The following DCAF17 variants were observed in gnomAD, a reference collection of about 807,000 sequenced individuals.
DCAF17 encodes the protein DDB1 and CUL4 associated factor 17.
In DCAF17, 48 loss-of-function variants were observed where a neutral mutation model predicts 66.0. That is an observed-to-expected ratio of 0.73 (90% CI 0.58 to 0.92). The LOEUF (loss-of-function observed/expected upper bound fraction) is 0.92, where lower values mean the gene tolerates loss of function less well. DCAF17 is among the 40% of genes least tolerant of loss of function. DCAF17 has a pLI of 0.00. For synonymous variants in DCAF17, 206 were observed against 214.6 expected, an observed-to-expected ratio of 0.96 and a Z score of 0.35; for missense variants, 562 against 622.8, an observed-to-expected ratio of 0.90 and a Z score of 1.04.
At chr2:171,448,636 C>T (rs1031974950) in intron 3 of DCAF17, 45 bp from the exon 4 acceptor site, 2 of 1,497,210 alleles carry the variant, frequency 1.3e-6, no homozygotes, top group Non-Finnish European at 1.8e-6. Context: ...GCAAATTGTT[C>T]ATGGCCAAGC....
chr2:171,483,288 G>A lies in DCAF17; in HGVS notation c.*2174G>A, dbSNP rs1412737860. On this transcript the variant is annotated 3_prime_UTR_variant, in exon 14 of 14. Transcript: ENST00000375255. ...TTTTAATTCGAGACTCTAGCTACAT[G>A]CCCACCTACTTAACAGGTACTAGTG... 1 of 454,000 alleles carries A rather than the reference G, an allele frequency of 2.2e-6. No individual in the cohort carries two copies. Among genetic ancestry groups the A allele is most frequent in the African/African-American group, 2.0e-5 (1 of 50,074 alleles). 28.1% of individuals were successfully genotyped at this position (454,000 alleles called of 1,614,324 possible).
At chr2:171,473,530 G>A (rs1321677198) in intron 9 of DCAF17, among the ~76,000 whole-genome samples, 2 of 152,034 alleles carry the variant, frequency 1.3e-5, no homozygotes, top group African/African-American at 2.4e-5. Context: ...TCCTTTGAGT[G>A]TTATTAAGAT....
At chr2:171,443,183 T>C (rs1194386351) in intron 2 of DCAF17, 3 of 173,262 alleles carry the variant, frequency 1.7e-5, no homozygotes, top group Non-Finnish European at 3.7e-5. Flanking sequence ...TCAACAGAGA[T>C]ATTCTTAGTA....
At chr2:171,468,858 G>C in intron 8 of DCAF17, 30 bp from the exon 9 acceptor site, 1 of 1,614,018 alleles carries the variant, frequency 6.2e-7, no homozygotes, top group Non-Finnish European at 8.5e-7. Context: ...GAACAGTGCA[G>C]CTAATGAATT....
intron 9 of DCAF17, among the ~76,000 whole-genome samples, chr2:171,473,202 G>A (rs1031496845): frequency 3.9e-4 from 59 of 152,144 alleles, no homozygotes; most frequent in South Asian, 4.1e-4. Flanking sequence ...GTTGGGGATA[G>A]GGAAGAGAGG....
rs1490623623 is a variant in DCAF17, at chr2:171,458,467, T to TA, written c.832dup (p.Ile278AsnfsTer10). 1.2e-5 allele frequency: 19 copies of TA among 1,612,526 alleles called. No homozygotes were observed. Among genetic ancestry groups the TA allele is most frequent in the Non-Finnish European group, 1.6e-5 (19 of 1,178,588 alleles). On this transcript the variant is annotated frameshift_variant, in exon 8 of 14. Transcript: ENST00000375255. LOFTEE classifies it high-confidence loss of function. ...CTCCTTTTGGCATTCCTTGTAATAT[T>TA]AAAATCACAGGTATGGCTACTCTAT...
intron 13 of DCAF17, among the ~76,000 whole-genome samples, 167 bp from the exon 14 acceptor site, chr2:171,480,807 A>T (rs1696708630): frequency 6.6e-6 from 1 of 152,170 alleles, no homozygotes; most frequent in Non-Finnish European, 1.5e-5. Context: ...CTTTTTTGTT[A>T]ATAATCTGCA....
intron 9 of DCAF17, among the ~76,000 whole-genome samples, chr2:171,471,899 CAGCTACT>C (rs763367236): frequency 3.9e-5 from 6 of 151,950 alleles, no homozygotes; most frequent in Non-Finnish European, 8.8e-5. Context: ...CCTGTGGTCC[CAGCTACT>C]TGGGAGGCTG....
chr2:171,482,714 C>T lies in DCAF17; in HGVS notation c.*1600C>T, dbSNP rs1696795160. ...TTGAGTTTCTCCTTCTCCTTTAAGT[C>T]ATCACCTTCCTTTTATGAAATGATA... On this transcript the variant is annotated 3_prime_UTR_variant, in exon 14 of 14. Transcript: ENST00000375255. 1 of 452,468 alleles carries T rather than the reference C, an allele frequency of 2.2e-6. No homozygotes were observed. The highest frequency in any genetic ancestry group is 4.4e-6 in the Non-Finnish European group (1 of 226,386). The allele number at this position is 452,468 out of a possible 1,614,324, so 28.0% of individuals were successfully genotyped here.
intron 9 of DCAF17, among the ~76,000 whole-genome samples, chr2:171,471,540 A>G (rs1460610859): frequency 6.6e-6 from 1 of 152,242 alleles, no homozygotes; most frequent in Non-Finnish European, 1.5e-5. Flanking sequence ...ACCATCATGG[A>G]CACATTAATT....
intron 12 of DCAF17, among the ~76,000 whole-genome samples, 164 bp downstream of exon 12, chr2:171,478,234 C>A (rs929711642): frequency 3.9e-5 from 6 of 152,174 alleles, no homozygotes; most frequent in Admixed American, 3.3e-4. Flanking sequence ...GCAAACCCAT[C>A]ATCCTCTCTT....
chr2:171,481,017 A>C lies in DCAF17; in HGVS notation c.1466A>C (p.His489Pro). 3 of 1,613,838 alleles carry C rather than the reference A, an allele frequency of 1.9e-6. No individual in the cohort carries two copies. The highest frequency in any genetic ancestry group is 2.5e-6 in the Non-Finnish European group (3 of 1,179,736). The change falls in exon 14 of 14, where the codon CAC becomes CCC. Residue 489 changes from histidine to proline, a missense_variant. His to Pro is a moderately conservative substitution (Grantham distance 77). Around this residue, in one of 3 missense-constraint regions of DCAF17, gnomAD observed 201 missense variants for 231.1 expected, o/e 0.87. Coordinates refer to ENST00000375255, the MANE Select transcript of DCAF17 (RefSeq NM_025000.4). ...TACTTTGACAGAGACTTGGTGCTAC[A>C]CATAGAGCAGAAACCCAACAGAGTC... ...EVYFDRDLVL[H>P]IEQKPNRVFS...
intron 8 of DCAF17, among the ~76,000 whole-genome samples, chr2:171,464,452 C>CT (rs759922443): frequency 9.2e-5 from 14 of 152,168 alleles, no homozygotes; most frequent in Non-Finnish European, 1.9e-4. Flanking sequence ...TTTCCATGGC[C>CT]TTTCTCCCTC....
At chr2:171,440,668 A>C (rs541103391) in intron 2 of DCAF17, among the ~76,000 whole-genome samples, 6 of 152,178 alleles carry the variant, frequency 3.9e-5, no homozygotes, top group Non-Finnish European at 8.8e-5. Context: ...GAGTTCGGCT[A>C]TGATTATTGT....
At chr2:171,458,944 G>T (rs910192639) in intron 8 of DCAF17, among the ~76,000 whole-genome samples, 8 of 152,120 alleles carry the variant, frequency 5.3e-5, no homozygotes, top group African/African-American at 1.9e-4. Flanking sequence ...ATCACAAAAA[G>T]AAAATTATAT....
chr2:171,442,097 G>T (rs1259695796), intron 2 of DCAF17, among the ~76,000 whole-genome samples: 1 of 152,100 alleles, frequency 6.6e-6, no homozygotes, highest in Non-Finnish European at 1.5e-5. Context: ...AATGTCCAAT[G>T]GTGTTTTATC....
At chr2:171,443,302 G>T in intron 2 of DCAF17, 1 of 426,430 alleles carries the variant, frequency 2.3e-6, no homozygotes, top group Non-Finnish European at 4.2e-6. Flanking sequence ...TGTTAATAAG[G>T]GTTATTTTTG....
rs886055102 is a variant in DCAF17, at chr2:171,434,335, C to T, written c.-243C>T. 1 of 703,788 alleles carries T rather than the reference C, an allele frequency of 1.4e-6. No individual in the cohort carries two copies. Among genetic ancestry groups the T allele is most frequent in the Non-Finnish European group, 2.5e-6 (1 of 403,582 alleles). 43.6% of individuals were successfully genotyped at this position (703,788 alleles called of 1,614,324 possible). On this transcript the variant is annotated 5_prime_UTR_variant, in exon 1 of 14. Coordinates refer to ENST00000375255, the MANE Select transcript of DCAF17 (RefSeq NM_025000.4). ...GTCGCACTGTCAGCGGCCAGAGAGC[C>T]TGGGGCAGATCGAAAAGGGAGTGCT... is the stretch of plus-strand genomic sequence containing the variant.
chr2:171,447,963 T>C (rs1383318437), intron 3 of DCAF17, among the ~76,000 whole-genome samples: 1 of 152,212 alleles, frequency 6.6e-6, no homozygotes, highest in East Asian at 1.9e-4. Context: ...ACCAGGTCCA[T>C]TTTCTGTACT....
Sources: gnomAD v4.1 joint callset for allele counts (sites outside exome capture counted in the v4.1 genomes callset) on GRCh38, gnomAD v4.1.1 for gene constraint, gnomAD v4.1.1 regional missense constraint, MANE v1.5 for transcripts, NCBI Gene and HGNC (gene_info 2026-07-23, HGNC 2026-07-21) for gene names.